Variants in EXOC4 observed in about 807,000 individuals in gnomAD.
EXOC4 encodes SEC8-like 1.
In EXOC4, 71 loss-of-function variants were observed where a neutral mutation model predicts 107.2. The observed-to-expected ratio is 0.66, with a 90% CI of 0.55 to 0.81. EXOC4 has a LOEUF of 0.81. Ranked by LOEUF, EXOC4 falls within the 30% of genes least tolerant of loss-of-function variation. The pLI, the probability that EXOC4 is intolerant of heterozygous loss-of-function variation, is 0.00. For synonymous variants in EXOC4, 456 were observed against 441.2 expected, an observed-to-expected ratio of 1.03 and a Z score of -0.42; for missense variants, 1,108 against 1,189.6, an observed-to-expected ratio of 0.93 and a Z score of 1.01.
Position 133,743,654 on chromosome 7 carries a change from A to AC in EXOC4, c.1515-73671_1515-73670insC, listed in dbSNP as rs1450902301. ...TTTATGAAACCATGAAATTAGTCAA[A>AC]ACCCCCCCATGGTTGCCATTGTGGG... is the stretch of plus-strand genomic sequence containing the variant. On this transcript the variant is annotated intron_variant, in intron 10 of 17. Coordinates refer to ENST00000253861, the MANE Select transcript of EXOC4 (RefSeq NM_021807.4). Among the ~76,000 whole-genome samples, 36 of 100,694 alleles carry AC rather than the reference A, an allele frequency of 3.6e-4. No homozygotes were observed. In the South Asian group the frequency reaches 3.7e-3, roughly 10 times the overall value. 66.1% of individuals were successfully genotyped at this position (100,694 alleles called of 152,430 possible).
chr7:133,439,754 A>C (rs1178549563), intron 7 of EXOC4, among the ~76,000 whole-genome samples: 3 of 152,116 alleles, frequency 2.0e-5, no homozygotes, highest in Admixed American at 2.0e-4. Context: ...CTGTAACACA[A>C]AAGAAGCAAA....
intron 9 of EXOC4, among the ~76,000 whole-genome samples, chr7:133,620,013 T>G (rs918296833): frequency 1.7e-4 from 24 of 143,628 alleles, no homozygotes; most frequent in Admixed American, 1.4e-4. Context: ...TGTGTGTTTG[T>G]TTTTTTTTGT....
At chr7:134,095,220 A>G in the EXOC4 span, among the ~76,000 whole-genome samples, 31 of 152,070 alleles carry the variant, frequency 2.0e-4, no homozygotes, top group African/African-American at 6.3e-4. Flanking sequence ...CACACCAAAA[A>G]CAAAACACCA....
chr7:134,073,894 T>A, the EXOC4 span, among the ~76,000 whole-genome samples: 1 of 152,158 alleles, frequency 6.6e-6, no homozygotes, highest in African/African-American at 2.4e-5. Flanking sequence ...TTCCCCGGGC[T>A]CCTTCTGCGA....
At chr7:133,969,227 G>T (rs1278852002) in intron 14 of EXOC4, among the ~76,000 whole-genome samples, 1 of 151,822 alleles carries the variant, frequency 6.6e-6, no homozygotes, top group Non-Finnish European at 1.5e-5. Context: ...GGTTATTCTA[G>T]TTAGCAATTC....
intron 10 of EXOC4, among the ~76,000 whole-genome samples, chr7:133,800,151 G>A (rs374893193): frequency 6.7e-6 from 1 of 150,104 alleles, no homozygotes; most frequent in Non-Finnish European, 1.5e-5. Flanking sequence ...CTAAAATGCT[G>A]GTGGCATTAA....
At chr7:134,055,375 C>G (rs1179221110) in intron 17 of EXOC4, among the ~76,000 whole-genome samples, 1 of 152,182 alleles carries the variant, frequency 6.6e-6, no homozygotes, top group Admixed American at 6.5e-5. Context: ...GTCTTAACAT[C>G]ATTGTGAGGT....
chr7:133,922,895 G>A (rs1046662449), intron 13 of EXOC4, among the ~76,000 whole-genome samples: 1 of 151,420 alleles, frequency 6.6e-6, no homozygotes. Flanking sequence ...GTGTGTGTGT[G>A]TATGTGTGTA....
intron 10 of EXOC4, among the ~76,000 whole-genome samples, chr7:133,789,427 G>A (rs905577517): frequency 5.3e-5 from 8 of 152,114 alleles, no homozygotes; most frequent in African/African-American, 1.9e-4. Flanking sequence ...TTTTGCTTTC[G>A]ATGACTTGTG....
intron 9 of EXOC4, among the ~76,000 whole-genome samples, chr7:133,552,857 G>A (rs1218369390): frequency 2.0e-5 from 3 of 152,000 alleles, no homozygotes; most frequent in South Asian, 4.2e-4. Context: ...CCATTAATGT[G>A]TATTTTTACT....
chr7:133,323,466 A>G (rs1307249124), intron 5 of EXOC4, among the ~76,000 whole-genome samples: 1 of 152,078 alleles, frequency 6.6e-6, no homozygotes, highest in East Asian at 1.9e-4. Context: ...CTATTGAGAT[A>G]CTCATGTGGT....
At position 133,917,592 on chromosome 7, in the gene EXOC4, C is replaced by A. The variant is rs1167980324; in HGVS notation, c.1881C>A (p.Val627=). The A allele has an allele frequency of 2.9e-5, 47 of 1,613,638 alleles. No homozygotes were observed. The highest frequency in any genetic ancestry group is 3.6e-5 in the Non-Finnish European group (43 of 1,179,878). Residue 627 remains valine (V), a synonymous_variant, in exon 13 of 18, where the codon GTC becomes GTA. Transcript: ENST00000253861. ...TATTGGCTGTGTTTAGGGGTATTGT[C>A]CAGTCAGAAGAAAAACTTGTCATCA... ...DTCTAAYRGI[V]QSEEKLVISA...
intron 12 of EXOC4, among the ~76,000 whole-genome samples, chr7:133,897,437 T>A (rs1396157722): frequency 6.6e-6 from 1 of 152,168 alleles, no homozygotes; most frequent in Admixed American, 6.5e-5. Flanking sequence ...TTTAGCCTTG[T>A]GGTAACAGAA....
At chr7:133,443,932 T>C (rs565481621) in intron 7 of EXOC4, among the ~76,000 whole-genome samples, 9 of 152,326 alleles carry the variant, frequency 5.9e-5, no homozygotes, top group African/African-American at 1.9e-4. Context: ...ATTTTGGCCA[T>C]TATGCCAGGC....
intron 7 of EXOC4, among the ~76,000 whole-genome samples, chr7:133,456,842 G>T (rs1798473834): frequency 2.0e-5 from 3 of 152,124 alleles, no homozygotes; most frequent in Non-Finnish European, 2.9e-5. Context: ...GCTAATAAAG[G>T]AAATTACAGG....
rs767760354 is a variant in EXOC4 at position 134,064,274 on chromosome 7, C to T, written c.2688-17C>T. ...CAGTGGGGAGCCAGTGAGCAGTGTTCTCTCTTGCTTTCTCAGGCAGTACTA... is the reference window on the plus strand; with the variant it reads ...CAGTGGGGAGCCAGTGAGCAGTGTTTTCTCTTGCTTTCTCAGGCAGTACTA... On this transcript the variant is annotated splice_polypyrimidine_tract_variant and intron_variant, in intron 17 of 17. Coordinates refer to ENST00000253861, the MANE Select transcript of EXOC4 (RefSeq NM_021807.4). 2 of 1,412,982 alleles carry T rather than the reference C, an allele frequency of 1.4e-6. No individual in the cohort carries two copies. The highest frequency in any genetic ancestry group is 9.3e-7 in the Non-Finnish European group (1 of 1,070,048). 87.5% of individuals were successfully genotyped at this position (1,412,982 alleles called of 1,614,324 possible). A position where few individuals can be genotyped will look rare whatever the true frequency, so the allele number is the denominator to read the frequency against.
At chr7:133,908,532 G>A (rs925904906) in intron 12 of EXOC4, among the ~76,000 whole-genome samples, 2 of 152,188 alleles carry the variant, frequency 1.3e-5, no homozygotes, top group African/African-American at 2.4e-5. Flanking sequence ...GCGGGTCTGG[G>A]TTCATTTCAG....
At chr7:133,927,380 G>C (rs1378577715) in intron 13 of EXOC4, among the ~76,000 whole-genome samples, 1 of 152,136 alleles carries the variant, frequency 6.6e-6, no homozygotes, top group Non-Finnish European at 1.5e-5. Flanking sequence ...GTTTAGATGT[G>C]GAAATTAGAT....
intron 10 of EXOC4, among the ~76,000 whole-genome samples, chr7:133,778,683 G>A (rs949212161): frequency 3.9e-5 from 6 of 152,328 alleles, no homozygotes; most frequent in East Asian, 1.9e-4. Context: ...AGTTAGCATC[G>A]TCTAACCAAA....
Sources: gnomAD v4.1 joint callset for allele counts (sites outside exome capture counted in the v4.1 genomes callset) on GRCh38, gnomAD v4.1.1 for gene constraint, MANE v1.5 for transcripts, NCBI Gene and HGNC (gene_info 2026-07-23, HGNC 2026-07-21) for gene names.